FAM171B: variants seen among roughly 807,000 people sequenced by gnomAD.
The protein encoded by FAM171B is protein FAM171B.
Under a neutral mutation model 75.6 loss-of-function variants are expected in FAM171B, and 19 were observed. The ratio of observed to expected loss-of-function variants is 0.25; its 90% CI spans 0.18 to 0.37. The LOEUF is 0.37. FAM171B is among the 10% of genes least tolerant of loss of function. FAM171B has a pLI of 1.00. For synonymous variants in FAM171B, 367 were observed against 361.7 expected, an observed-to-expected ratio of 1.01 and a Z score of -0.17; for missense variants, 848 against 982.4, an observed-to-expected ratio of 0.86 and a Z score of 1.83.
At chr2:186,751,424 G>A in intron 5 of FAM171B, 120 bp downstream of exon 5, 1 of 857,616 alleles carries the variant, frequency 1.2e-6, no homozygotes, top group Non-Finnish European at 1.6e-6. Flanking sequence ...AAATGTATTT[G>A]TTAGTGACCA....
rs143474850 is a variant in FAM171B, at chr2:186,725,263, T to G, written c.239-14965T>G. Reference sequence around the variant, plus strand: ...GGAGGCTGAAGCAGGAGAATGGTGTTAACCCGGGAGGCGGAGCTTGCAGTG... The same window carrying G: ...GGAGGCTGAAGCAGGAGAATGGTGTGAACCCGGGAGGCGGAGCTTGCAGTG... On this transcript the variant is annotated intron_variant, in intron 1 of 7. Transcript: ENST00000304698. 7.7e-4 allele frequency among the ~76,000 whole-genome samples: 115 copies of G among 150,200 alleles called. 5 individuals are homozygous for G. The East Asian group carries it at 0.016, about 22-fold the overall frequency.
intron 1 of FAM171B, among the ~76,000 whole-genome samples, chr2:186,710,575 G>T (rs955220028): frequency 3.9e-5 from 6 of 152,016 alleles, no homozygotes; most frequent in Non-Finnish European, 7.4e-5. Flanking sequence ...CACTTTCCCT[G>T]TCTAGGCCCC....
At chr2:186,744,901 GC>G (rs1248499169) in intron 3 of FAM171B, among the ~76,000 whole-genome samples, 2 of 150,760 alleles carry the variant, frequency 1.3e-5, no homozygotes, top group Non-Finnish European at 1.5e-5. Flanking sequence ...TGCAATCTCG[GC>G]TCACTGCAAC....
chr2:186,735,025 G>GGGTCTGCAGCTGCAGCTGAC (rs1690178504), intron 1 of FAM171B, among the ~76,000 whole-genome samples: 1 of 152,210 alleles, frequency 6.6e-6, no homozygotes. Flanking sequence ...AGGGATGCTG[G>GGGTCTGCAGCTGCAGCTGAC]GGTCTGCAGC....
intron 1 of FAM171B, among the ~76,000 whole-genome samples, chr2:186,712,032 C>G (rs1197233233): frequency 1.3e-5 from 2 of 152,026 alleles, no homozygotes; most frequent in African/African-American, 2.4e-5. Flanking sequence ...CTGTATTCAC[C>G]CATTTTATGT....
chr2:186,694,743 A>G (rs1301926783), intron 1 of FAM171B, among the ~76,000 whole-genome samples: 2 of 116,754 alleles, frequency 1.7e-5, no homozygotes, highest in Non-Finnish European at 3.4e-5. Context: ...CCTGGGAATG[A>G]CTGTAACACA....
intron 7 of FAM171B, 53 bp downstream of exon 7, chr2:186,761,289 G>A: frequency 6.3e-7 from 1 of 1,590,630 alleles, no homozygotes; most frequent in South Asian, 1.2e-5. Context: ...TATCATTTCA[G>A]TATATTCTGT....
intron 1 of FAM171B, among the ~76,000 whole-genome samples, chr2:186,717,016 C>T (rs2105777303): frequency 6.6e-6 from 1 of 152,200 alleles, no homozygotes; most frequent in South Asian, 2.1e-4. Context: ...TTCAGGCAGA[C>T]AGGTAGTGTA....
At chr2:186,713,300 C>G (rs13393382) in intron 1 of FAM171B, among the ~76,000 whole-genome samples, 3,276 of 152,318 alleles carry the variant, frequency 0.022, 123 homozygotes, top group African/African-American at 0.073. Flanking sequence ...AGAGCATGGA[C>G]TTTAGTGTGA....
At chr2:186,707,135 A>C (rs73033547) in intron 1 of FAM171B, among the ~76,000 whole-genome samples, 2,919 of 152,176 alleles carry the variant, frequency 0.019, 109 homozygotes, top group African/African-American at 0.067. Flanking sequence ...CTTTATGTGG[A>C]TATATCACAG....
intron 1 of FAM171B, among the ~76,000 whole-genome samples, chr2:186,735,949 A>G (rs1033329414): frequency 6.6e-5 from 10 of 152,226 alleles, no homozygotes; most frequent in African/African-American, 2.4e-4. Context: ...ATGACTACTC[A>G]AAGTAATTTG....
rs552239885 is a variant in FAM171B at position 186,696,752 on chromosome 2, C to G, written c.238+2341C>G. Among the ~76,000 whole-genome samples, 34 of 152,116 alleles carry G rather than the reference C, an allele frequency of 2.2e-4. 1 individual carries two copies. The highest frequency in any genetic ancestry group is 1.4e-3 in the Admixed American group (22 of 15,248). Reference sequence around the variant, plus strand: ...ATTTTTCAGGTTTGCTCAAGTGTCTCAGTAACTGACAGACCTTTTCCTGAC... The same window carrying G: ...ATTTTTCAGGTTTGCTCAAGTGTCTGAGTAACTGACAGACCTTTTCCTGAC... On this transcript the variant is annotated intron_variant, in intron 1 of 7. Transcript: ENST00000304698.
At chr2:186,728,484 T>C (rs928114811) in intron 1 of FAM171B, among the ~76,000 whole-genome samples, 31 of 152,216 alleles carry the variant, frequency 2.0e-4, no homozygotes, top group Non-Finnish European at 5.9e-5. Flanking sequence ...TTGAATGGAT[T>C]CATGTAAATG....
chr2:186,751,016 G>T, intron 4 of FAM171B, 118 bp from the exon 5 acceptor site: 1 of 694,582 alleles, frequency 1.4e-6, no homozygotes, highest in East Asian at 2.6e-5. Context: ...GTATCTATTT[G>T]ATATTAAAAT....
intron 1 of FAM171B, among the ~76,000 whole-genome samples, chr2:186,734,161 A>G (rs1192206992): frequency 6.6e-6 from 1 of 152,178 alleles, no homozygotes; most frequent in African/African-American, 2.4e-5. Context: ...CAGTGTAGGT[A>G]TAAATGATAC....
intron 2 of FAM171B, among the ~76,000 whole-genome samples, chr2:186,743,274 A>C (rs1322400874): frequency 6.6e-6 from 1 of 152,144 alleles, no homozygotes; most frequent in Non-Finnish European, 1.5e-5. Flanking sequence ...AATAGTGATA[A>C]CCAATGTTTT....
At chr2:186,696,720 A>G (rs1435362845) in intron 1 of FAM171B, among the ~76,000 whole-genome samples, 1 of 151,842 alleles carries the variant, frequency 6.6e-6, no homozygotes, top group Non-Finnish European at 1.5e-5. Flanking sequence ...GAATTCTGGA[A>G]CTTCACATTT....
chr2:186,760,046 C>A (rs772103244), intron 6 of FAM171B, among the ~76,000 whole-genome samples: 1 of 152,086 alleles, frequency 6.6e-6, no homozygotes, highest in East Asian at 1.9e-4. Flanking sequence ...AGAGACTGTC[C>A]TTTCCCCAAT....
intron 6 of FAM171B, among the ~76,000 whole-genome samples, chr2:186,757,296 G>A (rs181179165): frequency 3.3e-5 from 5 of 152,122 alleles, no homozygotes; most frequent in South Asian, 2.1e-4. Flanking sequence ...TTAGGAAACA[G>A]GATCAAAGAC....
Sources: gnomAD v4.1 joint callset for allele counts (sites outside exome capture counted in the v4.1 genomes callset) on GRCh38, gnomAD v4.1.1 for gene constraint, MANE v1.5 for transcripts, NCBI Gene and HGNC (gene_info 2026-07-23, HGNC 2026-07-21) for gene names.